Variants in DTNA observed in about 807,000 individuals in gnomAD.
The protein encoded by DTNA is dystrobrevin alpha.
DTNA carries 43 observed loss-of-function variants against 100.7 expected under a neutral mutation model. The observed-to-expected ratio is 0.43, with a 90% CI of 0.33 to 0.55. DTNA has a LOEUF of 0.55. Ranked by LOEUF, DTNA falls within the 20% of genes least tolerant of loss-of-function variation. The probability of loss-of-function intolerance (pLI) is 0.04; values close to 1 mark genes in which losing one functional copy is unlikely to be tolerated. For synonymous variants in DTNA, 349 were observed against 347.9 expected, an observed-to-expected ratio of 1.00 and a Z score of -0.04; for missense variants, 798 against 953.9, an observed-to-expected ratio of 0.84 and a Z score of 2.15.
In DTNA at chr18:34,638,372, G is replaced by A. The variant is rs551132024; in HGVS notation, c.-1-117604G>A. ...TGTGACAAGTGCTATAATTATTTCCGTGTTATAGAAGAGGAAACTGAGATA... is the reference window on the plus strand; with the variant it reads ...TGTGACAAGTGCTATAATTATTTCCATGTTATAGAAGAGGAAACTGAGATA... On this transcript the variant is annotated intron_variant, in intron 1 of 19. Transcript: ENST00000283365. Among the ~76,000 whole-genome samples the A allele has an allele frequency of 2.9e-4, 44 of 152,172 alleles. No homozygotes were observed. The East Asian group carries it at 4.3e-3, about 15-fold the overall frequency.
intron 1 of DTNA, among the ~76,000 whole-genome samples, chr18:34,515,633 C>T (rs139784656): frequency 1.3e-5 from 2 of 152,160 alleles, no homozygotes; most frequent in East Asian, 3.9e-4. Context: ...TGCTGTGTTA[C>T]GTTTCCAGTT....
chr18:34,720,532 T>C (rs1568313634), intron 1 of DTNA, among the ~76,000 whole-genome samples: 1 of 152,118 alleles, frequency 6.6e-6, no homozygotes, highest in Non-Finnish European at 1.5e-5. Context: ...TACAGGAGAC[T>C]ACAGAGGAGA....
At chr18:34,748,350 G>A (rs897367129) in intron 1 of DTNA, among the ~76,000 whole-genome samples, 1 of 152,186 alleles carries the variant, frequency 6.6e-6, no homozygotes. Context: ...TGTCACATTT[G>A]CTTTTGGGCC....
chr18:34,868,844 G>T (rs1193250827), intron 17 of DTNA: 61 of 870,174 alleles, frequency 7.0e-5, no homozygotes, highest in Non-Finnish European at 8.0e-5. Context: ...TCTTCTTTGT[G>T]TATCTTTAAG....
At chr18:34,729,840 G>A (rs985847761) in intron 1 of DTNA, among the ~76,000 whole-genome samples, 1 of 151,002 alleles carries the variant, frequency 6.6e-6, no homozygotes, top group African/African-American at 2.4e-5. Flanking sequence ...AACCAAAGCA[G>A]ACAATCTGAA....
At chr18:34,769,750 TCA>T (rs2093672135) in intron 3 of DTNA, among the ~76,000 whole-genome samples, 2 of 133,756 alleles carry the variant, frequency 1.5e-5, no homozygotes, top group Admixed American at 1.6e-4. Flanking sequence ...TGACAGAGTT[TCA>T]CTCTTTTTTC....
chr18:34,682,886 A>T (rs1349165064), intron 1 of DTNA, among the ~76,000 whole-genome samples: 1 of 152,176 alleles, frequency 6.6e-6, no homozygotes, highest in African/African-American at 2.4e-5. Context: ...CCTCAGCTAT[A>T]CAATATTGTA....
intron 1 of DTNA, among the ~76,000 whole-genome samples, chr18:34,642,645 G>T (rs555901517): frequency 6.6e-6 from 1 of 151,688 alleles, no homozygotes; most frequent in Non-Finnish European, 1.5e-5. Context: ...TGCGACCTCC[G>T]ACTCCCTGGT....
chr18:34,782,421 A>G (rs1436299699), intron 3 of DTNA, among the ~76,000 whole-genome samples: 2 of 152,234 alleles, frequency 1.3e-5, no homozygotes, highest in African/African-American at 4.8e-5. Context: ...ATGGAATGAT[A>G]TAAAACATTC....
intron 5 of DTNA, among the ~76,000 whole-genome samples, chr18:34,808,037 T>TA (rs1438308556): frequency 8.6e-5 from 13 of 151,838 alleles, no homozygotes; most frequent in East Asian, 1.9e-4. Flanking sequence ...TAGATAAATG[T>TA]AAAAAACAAA....
intron 11 of DTNA, among the ~76,000 whole-genome samples, chr18:34,836,374 C>T (rs1341047585): frequency 3.3e-5 from 5 of 152,188 alleles, no homozygotes; most frequent in South Asian, 2.1e-4. Context: ...AATTTTGGGC[C>T]GAGCACGGTG....
rs530462031 is a variant in DTNA at position 34,625,616 on chromosome 18, T to A, written c.-1-130360T>A. The stretch of plus-strand genomic sequence containing the variant: ...CATACATAAAATATATGTCTACATT[T>A]ATACACTTATATATACACAAAATAT... On this transcript the variant is annotated intron_variant, in intron 1 of 19. Transcript: ENST00000283365. Among the ~76,000 whole-genome samples the A allele has an allele frequency of 1.8e-4, 27 of 152,344 alleles. 1 individual carries two copies. The highest frequency in any genetic ancestry group is 6.5e-4 in the African/African-American group (27 of 41,578).
chr18:34,713,634 A>G (rs1404583842), intron 1 of DTNA, among the ~76,000 whole-genome samples: 2 of 151,606 alleles, frequency 1.3e-5, no homozygotes, highest in Non-Finnish European at 2.9e-5. Flanking sequence ...TTGGTTCCAT[A>G]TGAACTTTAA....
At chr18:34,574,182 CA>C (rs1177758304) in intron 1 of DTNA, 4 of 152,538 alleles carry the variant, frequency 2.6e-5, no homozygotes, top group Non-Finnish European at 4.4e-5. Context: ...TGTGGGCTCC[CA>C]CCTCATCAAC....
intron 13 of DTNA, among the ~76,000 whole-genome samples, chr18:34,842,257 A>G (rs539200420): frequency 6.6e-6 from 1 of 152,216 alleles, no homozygotes; most frequent in Admixed American, 6.5e-5. Context: ...TTCTGCTTAT[A>G]TTTTTCTCAA....
At chr18:34,565,172 C>T (rs1292553352) in intron 1 of DTNA, among the ~76,000 whole-genome samples, 1 of 152,088 alleles carries the variant, frequency 6.6e-6, no homozygotes, top group African/African-American at 2.4e-5. Context: ...GAGAGATCTG[C>T]CTTTATTATA....
intron 1 of DTNA, among the ~76,000 whole-genome samples, chr18:34,730,897 T>C (rs1316311007): frequency 6.6e-6 from 1 of 152,190 alleles, no homozygotes; most frequent in African/African-American, 2.4e-5. Flanking sequence ...CAAGGACTGG[T>C]GTGGGGAGGC....
At chr18:34,639,120 C>G (rs754936984) in intron 1 of DTNA, among the ~76,000 whole-genome samples, 2 of 152,178 alleles carry the variant, frequency 1.3e-5, no homozygotes, top group Admixed American at 6.5e-5. Context: ...GGATTATAGG[C>G]GTGAGCCACT....
At chr18:34,840,792 GT>G (rs1054398646) in intron 13 of DTNA, among the ~76,000 whole-genome samples, 1 of 152,022 alleles carries the variant, frequency 6.6e-6, no homozygotes, top group African/African-American at 2.4e-5. Flanking sequence ...ATTTCTCATA[GT>G]TTTTTCTATC....
Sources: gnomAD v4.1 joint callset for allele counts (sites outside exome capture counted in the v4.1 genomes callset) on GRCh38, gnomAD v4.1.1 for gene constraint, MANE v1.5 for transcripts, NCBI Gene and HGNC (gene_info 2026-07-23, HGNC 2026-07-21) for gene names.